GRM7: variants seen among roughly 807,000 people sequenced by gnomAD.
The protein encoded by GRM7 is glutamate metabotropic receptor 7.
A neutral mutation model predicts 84.5 loss-of-function variants in GRM7; 35 were observed. That is an observed-to-expected ratio of 0.41 (90% CI 0.32 to 0.55). The LOEUF is 0.55. Among genes scored for constraint, GRM7 ranks in the 20% least tolerant of loss-of-function variants. The pLI is 0.19. For synonymous variants in GRM7, 487 were observed against 455.1 expected (o/e 1.07, Z -0.89); for missense variants, 1,003 against 1,194.6 (o/e 0.84, Z 2.36).
intron 6 of GRM7, among the ~76,000 whole-genome samples, chr3:7,460,750 G>C (rs570627803): frequency 1.3e-5 from 2 of 152,216 alleles, no homozygotes; most frequent in South Asian, 2.1e-4. Context: ...TGCATTATTT[G>C]TACATAGTTT....
intron 1 of GRM7, among the ~76,000 whole-genome samples, chr3:6,958,243 T>A (rs1490457424): frequency 6.6e-6 from 1 of 152,090 alleles, no homozygotes; most frequent in African/African-American, 2.4e-5. Context: ...ATCAGGCTTT[T>A]TTTTTTTTGG....
intron 1 of GRM7, among the ~76,000 whole-genome samples, chr3:7,049,518 A>C (rs1376917432): frequency 6.6e-6 from 1 of 151,944 alleles, no homozygotes; most frequent in Non-Finnish European, 1.5e-5. Context: ...GATTATTAGA[A>C]TTCAAGGTGA....
At chr3:7,660,040 C>G (rs1442076481) in intron 8 of GRM7, among the ~76,000 whole-genome samples, 1 of 151,970 alleles carries the variant, frequency 6.6e-6, no homozygotes, top group Non-Finnish European at 1.5e-5. Flanking sequence ...AGATGAAAAC[C>G]AAATAGGTAG....
intron 7 of GRM7, among the ~76,000 whole-genome samples, chr3:7,576,514 A>G (rs1208863552): frequency 6.6e-6 from 1 of 152,268 alleles, no homozygotes; most frequent in East Asian, 1.9e-4. Flanking sequence ...GTTCACATTC[A>G]AGCGTTGATG....
chr3:6,868,842 T>C (rs1029946629), intron 1 of GRM7, among the ~76,000 whole-genome samples: 1 of 152,134 alleles, frequency 6.6e-6, no homozygotes, highest in African/African-American at 2.4e-5. Context: ...TTTTGCCTCT[T>C]GCTGTAAAAG....
chr3:7,550,049 C>A (rs1015509547), intron 7 of GRM7, among the ~76,000 whole-genome samples: 1 of 152,162 alleles, frequency 6.6e-6, no homozygotes, highest in Non-Finnish European at 1.5e-5. Flanking sequence ...CATCCTCCCC[C>A]TCTTTACATA....
intron 2 of GRM7, among the ~76,000 whole-genome samples, chr3:7,275,308 A>G (rs562943006): frequency 6.6e-6 from 1 of 152,248 alleles, no homozygotes; most frequent in South Asian, 2.1e-4. Flanking sequence ...CTGTGTCTTC[A>G]GACTGTGTTT....
At chr3:7,428,616 T>G (rs1237299965) in intron 5 of GRM7, among the ~76,000 whole-genome samples, 1 of 152,158 alleles carries the variant, frequency 6.6e-6, no homozygotes, top group Non-Finnish European at 1.5e-5. Flanking sequence ...CTACCATTTA[T>G]AGTCCTGTGT....
intron 1 of GRM7, among the ~76,000 whole-genome samples, chr3:7,025,269 C>A (rs899740202): frequency 3.9e-5 from 6 of 152,128 alleles, no homozygotes; most frequent in African/African-American, 1.4e-4. Context: ...TTTAGTTCTC[C>A]CTTGCCATAT....
chr3:7,667,777 C>A (rs1471712872), intron 8 of GRM7, among the ~76,000 whole-genome samples: 2 of 149,650 alleles, frequency 1.3e-5, no homozygotes, highest in Admixed American at 6.7e-5. Context: ...TTGATAATTT[C>A]TTTAAAACTC....
chr3:6,892,215 C>G (rs555076228), intron 1 of GRM7, among the ~76,000 whole-genome samples: 1 of 152,090 alleles, frequency 6.6e-6, no homozygotes, highest in African/African-American at 2.4e-5. Flanking sequence ...ACACTCAAGT[C>G]CTATATTTTG....
intron 1 of GRM7, among the ~76,000 whole-genome samples, chr3:7,122,238 T>C (rs980786163): frequency 2.6e-5 from 4 of 152,190 alleles, no homozygotes; most frequent in Admixed American, 2.6e-4. Context: ...AGCAGCCTAT[T>C]TGCAGACATC....
intron 4 of GRM7, among the ~76,000 whole-genome samples, chr3:7,390,795 T>A (rs2125141369): frequency 6.6e-6 from 1 of 152,216 alleles, no homozygotes; most frequent in African/African-American, 2.4e-5. Context: ...TTTTCTTGGG[T>A]CTGGTTGAGT....
intron 8 of GRM7, among the ~76,000 whole-genome samples, chr3:7,649,100 C>G (rs112880958): frequency 6.0e-5 from 9 of 151,218 alleles, no homozygotes; most frequent in African/African-American, 1.7e-4. Context: ...GATGGAGTCT[C>G]GCTCTGTTGC....
At chr3:7,260,655 A>G (rs1698385957) in intron 2 of GRM7, among the ~76,000 whole-genome samples, 1 of 118,232 alleles carries the variant, frequency 8.5e-6, no homozygotes. Context: ...AAACTCCTGG[A>G]TTTGTTGTTC....
At chr3:6,970,921 G>A (rs1693727977) in intron 1 of GRM7, among the ~76,000 whole-genome samples, 1 of 152,114 alleles carries the variant, frequency 6.6e-6, no homozygotes, top group African/African-American at 2.4e-5. Flanking sequence ...GGCTGAGGTT[G>A]CAGTGAGCCA....
intron 1 of GRM7, among the ~76,000 whole-genome samples, chr3:7,017,995 A>C (rs1695637646): frequency 6.6e-6 from 1 of 152,228 alleles, no homozygotes. Context: ...ATTGAAAGAA[A>C]GTATGTTATT....
At chr3:7,676,813 A>G (rs1700140533) in intron 8 of GRM7, among the ~76,000 whole-genome samples, 1 of 152,218 alleles carries the variant, frequency 6.6e-6, no homozygotes, top group Non-Finnish European at 1.5e-5. Flanking sequence ...TTTGTAGCCT[A>G]GGAGCAATAG....
chr3:6,954,167 T>C lies in GRM7; in HGVS notation c.519+92260T>C, dbSNP rs147266641. Among the ~76,000 whole-genome samples, 107 of 152,310 alleles carry C rather than the reference T, an allele frequency of 7.0e-4. 1 individual carries two copies. The East Asian group carries it at 0.015, about 21-fold the overall frequency. ...GTTCTATGCATAGAACGTGTAATGATCAAGTCAGGATATTCAGGGTATACA... is the reference window on the plus strand; with the variant it reads ...GTTCTATGCATAGAACGTGTAATGACCAAGTCAGGATATTCAGGGTATACA... On this transcript the variant is annotated intron_variant, in intron 1 of 9. Coordinates refer to ENST00000357716, the MANE Select transcript of GRM7 (RefSeq NM_000844.4).
Sources: allele counts gnomAD v4.1 joint callset (sites outside exome capture counted in the v4.1 genomes callset), GRCh38; gene constraint gnomAD v4.1.1; transcripts MANE v1.5; gene names NCBI Gene and HGNC (gene_info 2026-07-23, HGNC 2026-07-21).